Variants in FAM151B observed in about 807,000 individuals in gnomAD.
FAM151B encodes the protein protein FAM151B.
In FAM151B, 24 loss-of-function variants were observed where a neutral mutation model predicts 31.2. The ratio of observed to expected loss-of-function variants is 0.77; its 90% CI spans 0.56 to 1.08. The LOEUF (loss-of-function observed/expected upper bound fraction) is 1.08, where lower values mean the gene tolerates loss of function less well. Ranked by LOEUF, FAM151B falls within the 50% of genes least tolerant of loss-of-function variation. FAM151B has a pLI of 0.00. For synonymous variants in FAM151B, 105 were observed against 111.4 expected (o/e 0.94, Z 0.36); for missense variants, 293 against 328.6 (o/e 0.89, Z 0.84).
At position 80,542,041 on chromosome 5, in the gene FAM151B, A is replaced by C; in HGVS notation, c.*209A>C. The C allele has an allele frequency of 3.9e-6, 2 of 518,932 alleles. No homozygotes were observed. Among genetic ancestry groups the C allele is most frequent in the Non-Finnish European group, 6.7e-6 (2 of 298,022 alleles). The allele number at this position is 518,932 out of a possible 1,614,324, so 32.1% of individuals were successfully genotyped here. On this transcript the variant is annotated 3_prime_UTR_variant, in exon 6 of 6. Transcript: ENST00000282226. ...TTGGAAAGAAGAGATTTATTTACACACGTGGCCTAGTCTAATAATAATTCA... is the reference window on the plus strand; with the variant it reads ...TTGGAAAGAAGAGATTTATTTACACCCGTGGCCTAGTCTAATAATAATTCA...
intron 1 of FAM151B, among the ~76,000 whole-genome samples, chr5:80,488,919 G>A (rs990433402): frequency 6.6e-6 from 1 of 151,954 alleles, no homozygotes; most frequent in Non-Finnish European, 1.5e-5. Context: ...AAGTATATTA[G>A]TATAGGGAAA....
At chr5:80,499,636 T>C (rs543491948) in intron 1 of FAM151B, among the ~76,000 whole-genome samples, 1 of 152,000 alleles carries the variant, frequency 6.6e-6, no homozygotes, top group African/African-American at 2.4e-5. Flanking sequence ...CTTTTAAATA[T>C]CTGCTTTAGT....
chr5:80,494,532 A>G (rs1305770694), intron 1 of FAM151B, among the ~76,000 whole-genome samples: 1 of 123,314 alleles, frequency 8.1e-6, no homozygotes, highest in Non-Finnish European at 1.7e-5. Flanking sequence ...TTCTTTTTTA[A>G]GACAGGGTCT....
At chr5:80,526,701 C>T (rs1744990379) in intron 5 of FAM151B, among the ~76,000 whole-genome samples, 1 of 152,036 alleles carries the variant, frequency 6.6e-6, no homozygotes, top group Non-Finnish European at 1.5e-5. Flanking sequence ...TTAATTTTAC[C>T]TCTTTTCAAC....
At chr5:80,538,436 CTTTCTTTCTTTCTCTTTCTT>C (rs1267724527) in intron 5 of FAM151B, among the ~76,000 whole-genome samples, 23 of 59,732 alleles carry the variant, frequency 3.9e-4, no homozygotes, top group Admixed American at 1.8e-3. Flanking sequence ...TTCTTTCTTT[CTTTCTTTCTTTCTCTTTCTT>C]TCTTTCTTTC....
chr5:80,521,920 T>TA (rs1462397169), intron 4 of FAM151B, 83 bp from the exon 5 acceptor site: 5 of 980,556 alleles, frequency 5.1e-6, no homozygotes, highest in Non-Finnish European at 7.3e-6. Context: ...TGGTTTTACC[T>TA]AATTATAGGT....
At chr5:80,489,188 C>A (rs965298011) in intron 1 of FAM151B, among the ~76,000 whole-genome samples, 6 of 152,158 alleles carry the variant, frequency 3.9e-5, no homozygotes, top group Admixed American at 3.3e-4. Flanking sequence ...GTTAATCAGT[C>A]GTTTCCTGTT....
intron 4 of FAM151B, 152 bp from the exon 5 acceptor site, chr5:80,521,851 C>T: frequency 4.0e-6 from 2 of 505,350 alleles, no homozygotes; most frequent in South Asian, 6.3e-5. Context: ...CATTAAGTAG[C>T]ATTTTAATTG....
intron 2 of FAM151B, among the ~76,000 whole-genome samples, chr5:80,510,498 AG>A (rs1407832945): frequency 6.6e-6 from 1 of 152,254 alleles, no homozygotes; most frequent in Non-Finnish European, 1.5e-5. Context: ...TGGTCAAAGC[AG>A]ATCACAAGTG....
chr5:80,517,099 C>T (rs1319851565), intron 3 of FAM151B, among the ~76,000 whole-genome samples: 1 of 152,088 alleles, frequency 6.6e-6, no homozygotes, highest in Non-Finnish European at 1.5e-5. Context: ...ATCAGATTGA[C>T]AGATCACAAG....
chr5:80,542,017 T>G lies in FAM151B; in HGVS notation c.*185T>G, dbSNP rs1009643921. The G allele has an allele frequency of 3.4e-6, 2 of 594,180 alleles. No homozygotes were observed. Among genetic ancestry groups the G allele is most frequent in the African/African-American group, 1.9e-5 (1 of 52,818 alleles). 36.8% of individuals were successfully genotyped at this position (594,180 alleles called of 1,614,324 possible). On this transcript the variant is annotated 3_prime_UTR_variant, in exon 6 of 6. Coordinates refer to ENST00000282226, the MANE Select transcript of FAM151B (RefSeq NM_205548.3). The stretch of plus-strand genomic sequence containing the variant: ...TAATAGTGCACTTACATAAAAGATT[T>G]GGAAAGAAGAGATTTATTTACACAC...
intron 4 of FAM151B, among the ~76,000 whole-genome samples, chr5:80,521,783 G>T (rs1337763591): frequency 2.6e-5 from 4 of 151,874 alleles, no homozygotes; most frequent in East Asian, 1.9e-4. Context: ...TGTTAAATTT[G>T]CTCTAGGTCA....
At chr5:80,495,915 G>A (rs79480804) in intron 1 of FAM151B, among the ~76,000 whole-genome samples, 4,106 of 148,336 alleles carry the variant, frequency 0.028, 68 homozygotes, top group South Asian at 0.041. Flanking sequence ...CTACATTATC[G>A]CAATTTTATG....
At chr5:80,538,454 C>CTTTG (rs570783127) in intron 5 of FAM151B, among the ~76,000 whole-genome samples, 172 of 62,850 alleles carry the variant, frequency 2.7e-3, no homozygotes, top group Non-Finnish European at 4.2e-3. Flanking sequence ...CTTTCTCTTT[C>CTTTG]TTTCTTTCTT....
chr5:80,493,816 C>T (rs924158679), intron 1 of FAM151B, among the ~76,000 whole-genome samples: 2 of 152,184 alleles, frequency 1.3e-5, no homozygotes, highest in African/African-American at 4.8e-5. Flanking sequence ...CATAGACCCT[C>T]ATCAGTAATT....
chr5:80,488,557 C>G (rs1743198953), intron 1 of FAM151B, among the ~76,000 whole-genome samples: 3 of 152,336 alleles, frequency 2.0e-5, no homozygotes, highest in South Asian at 2.1e-4. Context: ...GGCATAGTCC[C>G]GCTGCTGAGC....
chr5:80,521,990 C>G lies in FAM151B; in HGVS notation c.536-13C>G. The G allele has an allele frequency of 1.3e-6, 2 of 1,500,730 alleles. No individual in the cohort carries two copies. Among genetic ancestry groups the G allele is most frequent in the Non-Finnish European group, 1.8e-6 (2 of 1,111,940 alleles). The allele number at this position is 1,500,730 out of a possible 1,614,324, so 93.0% of individuals were successfully genotyped here. On this transcript the variant is annotated splice_polypyrimidine_tract_variant and intron_variant, in intron 4 of 5. Coordinates refer to ENST00000282226, the MANE Select transcript of FAM151B (RefSeq NM_205548.3). ...TCAATCAATAAAGTTAAATTTTTTT[C>G]TTTTCTTTTAAGGGTACAGTTGGAC... is the stretch of plus-strand genomic sequence containing the variant.
At chr5:80,518,075 G>GAAAAAA (rs796173147) in intron 3 of FAM151B, among the ~76,000 whole-genome samples, 12 of 72,760 alleles carry the variant, frequency 1.6e-4, no homozygotes, top group African/African-American at 1.7e-4. Context: ...CCATCTCAAA[G>GAAAAAA]AAAAAAAAAA....
intron 4 of FAM151B, among the ~76,000 whole-genome samples, chr5:80,520,367 G>T (rs186669452): frequency 6.6e-6 from 1 of 151,948 alleles, no homozygotes; most frequent in East Asian, 1.9e-4. Context: ...TATTCTGGCC[G>T]GGCGTGGTGG....
Sources: allele counts gnomAD v4.1 joint callset (sites outside exome capture counted in the v4.1 genomes callset), GRCh38; gene constraint gnomAD v4.1.1; transcripts MANE v1.5; gene names NCBI Gene and HGNC (gene_info 2026-07-23, HGNC 2026-07-21).